Variants in GNAL observed in about 807,000 individuals in gnomAD.
GNAL encodes the protein G protein subunit alpha L.
A neutral mutation model predicts 55.1 loss-of-function variants in GNAL; 18 were observed. That is an observed-to-expected ratio of 0.33 (90% CI 0.23 to 0.48). The LOEUF is 0.48. Among genes scored for constraint, GNAL ranks in the 20% least tolerant of loss-of-function variants. The probability of loss-of-function intolerance (pLI) is 0.99; values close to 1 mark genes in which losing one functional copy is unlikely to be tolerated. For missense variants in GNAL, 412 were observed against 614.1 expected (o/e 0.67, Z 3.48); for synonymous variants, 253 against 237.0 (o/e 1.07, Z -0.62).
intron 5 of GNAL, among the ~76,000 whole-genome samples, chr18:11,830,760 G>A (rs1021228088): frequency 2.0e-5 from 3 of 152,174 alleles, no homozygotes; most frequent in African/African-American, 4.8e-5. Context: ...TAGACAAAAC[G>A]TGATACATCC....
chr18:11,796,691 A>C (rs1475823862), intron 4 of GNAL, among the ~76,000 whole-genome samples: 3 of 152,026 alleles, frequency 2.0e-5, no homozygotes, highest in African/African-American at 4.8e-5. Flanking sequence ...AGGTATAACC[A>C]TTTTAATTAA....
At chr18:11,757,283 T>C (rs2033088235) in intron 4 of GNAL, among the ~76,000 whole-genome samples, 1 of 152,230 alleles carries the variant, frequency 6.6e-6, no homozygotes, top group African/African-American at 2.4e-5. Flanking sequence ...ACTCAGAGGC[T>C]GGATCTTATC....
intron 1 of GNAL, among the ~76,000 whole-genome samples, chr18:11,716,602 C>T (rs916394225): frequency 3.9e-5 from 6 of 152,122 alleles, no homozygotes; most frequent in African/African-American, 1.2e-4. Flanking sequence ...CTGATTGGTG[C>T]ATTTACAATC....
chr18:11,748,221 G>A (rs964685891), intron 1 of GNAL, among the ~76,000 whole-genome samples: 2 of 152,178 alleles, frequency 1.3e-5, no homozygotes, highest in African/African-American at 4.8e-5. Flanking sequence ...CACTGTGTAA[G>A]GAAAGTGCTT....
At chr18:11,804,977 T>A (rs11873905) in intron 4 of GNAL, among the ~76,000 whole-genome samples, 4 of 88,566 alleles carry the variant, frequency 4.5e-5, no homozygotes, top group East Asian at 6.7e-4. Flanking sequence ...GAGTGGAACA[T>A]GGAGATACTG....
intron 4 of GNAL, among the ~76,000 whole-genome samples, chr18:11,809,625 T>G (rs2034757881): frequency 6.6e-6 from 1 of 151,882 alleles, no homozygotes; most frequent in Non-Finnish European, 1.5e-5. Context: ...CCCAGCTACT[T>G]GAGAGGCTGA....
chr18:11,824,844 T>A, intron 4 of GNAL, 74 bp from the exon 5 acceptor site: 1 of 816,920 alleles, frequency 1.2e-6, no homozygotes, highest in Non-Finnish European at 2.0e-6. Context: ...TTTTTGCAGT[T>A]TCTTTTTCCT....
chr18:11,851,433 C>T (rs948137150), intron 5 of GNAL: 3 of 1,436,312 alleles, frequency 2.1e-6, no homozygotes, highest in Admixed American at 2.9e-5. Context: ...GAGCGGCGGC[C>T]GGGAGCGGAC....
intron 4 of GNAL, among the ~76,000 whole-genome samples, chr18:11,822,581 G>A (rs1479757968): frequency 6.6e-6 from 1 of 152,198 alleles, no homozygotes; most frequent in African/African-American, 2.4e-5. Context: ...TCCAGCCTGT[G>A]AGAAGGGGCA....
In GNAL at chr18:11,753,855, A is replaced by G; in HGVS notation, c.534A>G (p.Ile178Met). ...VTIVSAMSTI[I>M]PPVPLANPEN... The stretch of plus-strand genomic sequence containing the variant: ...TTGTTTCAGCAATGAGTACTATAAT[A>G]CCTCCAGTTCCGCTGGCCAACCCTG... The change falls in exon 4 of 12, where the codon ATA (isoleucine) becomes ATG (methionine). Residue 178 changes from isoleucine (I) to methionine (M), a missense_variant. By Grantham distance (10) the Ile-to-Met change is conservative (BLOSUM62 1). Around this residue, in one of 5 missense-constraint regions of GNAL, gnomAD observed 47 missense variants for 82.7 expected, o/e 0.57. Coordinates refer to ENST00000334049, the MANE Select transcript of GNAL (RefSeq NM_182978.4). 6.2e-7 allele frequency: 1 copy of G among 1,609,160 alleles called. No individual in the cohort carries two copies. Among genetic ancestry groups the G allele is most frequent in the Non-Finnish European group, 8.5e-7 (1 of 1,175,534 alleles).
intron 7 of GNAL, 152 bp from the exon 8 acceptor site, chr18:11,867,016 C>A: frequency 2.9e-6 from 2 of 680,480 alleles, no homozygotes; most frequent in South Asian, 1.7e-5. Context: ...CAGGATCACA[C>A]AGGGAGTGAT....
chr18:11,861,262 C>T (rs1289360815), intron 5 of GNAL, among the ~76,000 whole-genome samples: 1 of 152,046 alleles, frequency 6.6e-6, no homozygotes, highest in African/African-American at 2.4e-5. Context: ...CTCCTGCTGG[C>T]TCTCCTTCTT....
At chr18:11,802,978 G>A (rs1483212652) in intron 4 of GNAL, among the ~76,000 whole-genome samples, 1 of 152,196 alleles carries the variant, frequency 6.6e-6, no homozygotes, top group Non-Finnish European at 1.5e-5. Flanking sequence ...CCAGGGAATG[G>A]GGAGGTCAGA....
intron 4 of GNAL, among the ~76,000 whole-genome samples, chr18:11,819,359 TAG>T (rs1044406034): frequency 1.2e-4 from 18 of 152,220 alleles, no homozygotes; most frequent in Admixed American, 6.5e-5. Flanking sequence ...CAATATGAAA[TAG>T]AGTCATTACA....
chr18:11,826,263 G>A (rs922206407), intron 5 of GNAL, among the ~76,000 whole-genome samples: 3 of 70,872 alleles, frequency 4.2e-5, no homozygotes, highest in Non-Finnish European at 6.8e-5. Flanking sequence ...CGGGGAGGGG[G>A]AAGGAAGAGG....
chr18:11,795,560 G>A (rs949065805), intron 4 of GNAL, among the ~76,000 whole-genome samples: 47 of 152,298 alleles, frequency 3.1e-4, no homozygotes, highest in African/African-American at 7.9e-4. Flanking sequence ...TAAGGATGGC[G>A]ACAGAAGAGC....
chr18:11,689,926 G>T lies in GNAL; in HGVS notation c.363G>T (p.Arg121=). Residue 121 remains arginine (R), a synonymous_variant, in exon 1 of 12, where the codon CGG becomes CGT. Coordinates refer to ENST00000334049, the MANE Select transcript of GNAL (RefSeq NM_182978.4). The part of the protein sequence containing the change: ...DQKRDLQQTH[R]LLLLGAGESG... ...AGCGCGACCTGCAGCAGACGCACCG[G>T]CTCCTGCTGCTCGGTAGGTCCCGGC... 7.2e-7 allele frequency: 1 copy of T among 1,393,028 alleles called. No individual in the cohort carries two copies. The highest frequency in any genetic ancestry group is 9.4e-7 in the Non-Finnish European group (1 of 1,069,080). The allele number at this position is 1,393,028 out of a possible 1,614,324, so 86.3% of individuals were successfully genotyped here.
chr18:11,857,924 G>A (rs2143817430), intron 5 of GNAL: 1 of 179,760 alleles, frequency 5.6e-6, no homozygotes, highest in Non-Finnish European at 1.1e-5. Context: ...ATTAACATTG[G>A]GAAAAGTTTT....
chr18:11,771,411 C>T (rs1470838735), intron 4 of GNAL, among the ~76,000 whole-genome samples: 1 of 151,306 alleles, frequency 6.6e-6, no homozygotes, highest in Non-Finnish European at 1.5e-5. Context: ...TATGAACAGG[C>T]ATTTCATTTT....
Sources: gnomAD v4.1 joint callset for allele counts (sites outside exome capture counted in the v4.1 genomes callset) on GRCh38, gnomAD v4.1.1 for gene constraint, gnomAD v4.1.1 regional missense constraint, MANE v1.5 for transcripts, NCBI Gene and HGNC (gene_info 2026-07-23, HGNC 2026-07-21) for gene names.